GPC6: variants seen among roughly 807,000 people sequenced by gnomAD.
GPC6 encodes glypican 6.
Under a neutral mutation model 55.2 loss-of-function variants are expected in GPC6, and 14 were observed. That is an observed-to-expected ratio of 0.25 (90% CI 0.17 to 0.40). The LOEUF is 0.40. GPC6 is among the 10% of genes least tolerant of loss of function. GPC6 has a pLI of 1.00. For synonymous variants in GPC6, 278 were observed against 259.6 expected (o/e 1.07, Z -0.68); for missense variants, 641 against 708.5 (o/e 0.90, Z 1.08).
intron 3 of GPC6, among the ~76,000 whole-genome samples, chr13:93,888,829 C>A (rs929846736): frequency 6.6e-5 from 10 of 152,090 alleles, no homozygotes; most frequent in African/African-American, 1.9e-4. Context: ...TTTCCCAGTG[C>A]CATAGGGAGG....
chr13:94,200,767 G>A (rs1407914456), intron 4 of GPC6, among the ~76,000 whole-genome samples: 1 of 152,204 alleles, frequency 6.6e-6, no homozygotes, highest in Non-Finnish European at 1.5e-5. Context: ...TATTTGCATT[G>A]CTTGGAATTG....
At chr13:93,494,667 G>A (rs1259544457) in intron 1 of GPC6, among the ~76,000 whole-genome samples, 3 of 152,038 alleles carry the variant, frequency 2.0e-5, no homozygotes, top group Admixed American at 2.0e-4. Context: ...GGTACCGGTT[G>A]TTCCTTTCCA....
intron 4 of GPC6, among the ~76,000 whole-genome samples, chr13:94,208,753 C>CAA (rs762261930): frequency 0.049 from 1,759 of 36,208 alleles, 165 homozygotes; most frequent in South Asian, 0.086. Context: ...TCCCATCTCC[C>CAA]AAAAAAAAAA....
At chr13:94,005,712 C>A (rs1881990735) in intron 3 of GPC6, among the ~76,000 whole-genome samples, 1 of 152,150 alleles carries the variant, frequency 6.6e-6, no homozygotes, top group Non-Finnish European at 1.5e-5. Context: ...AAATATGCAG[C>A]TACAAAAATG....
intron 1 of GPC6, among the ~76,000 whole-genome samples, chr13:93,505,093 G>A (rs1880658912): frequency 6.6e-6 from 1 of 152,190 alleles, no homozygotes; most frequent in African/African-American, 2.4e-5. Context: ...TACAAAGGTA[G>A]TTGATCTGGA....
chr13:94,083,270 C>T (rs980009946), intron 4 of GPC6, among the ~76,000 whole-genome samples: 7 of 152,082 alleles, frequency 4.6e-5, no homozygotes, highest in Admixed American at 2.0e-4. Context: ...AGGCGCCCGC[C>T]ACCACACCCG....
intron 2 of GPC6, among the ~76,000 whole-genome samples, chr13:93,814,065 A>G (rs946035775): frequency 1.3e-5 from 2 of 152,128 alleles, no homozygotes; most frequent in Non-Finnish European, 2.9e-5. Flanking sequence ...TTTTCTTATT[A>G]GGAGGTATCT....
intron 1 of GPC6, among the ~76,000 whole-genome samples, chr13:93,387,031 T>C (rs1368025641): frequency 6.6e-6 from 1 of 152,158 alleles, no homozygotes; most frequent in Non-Finnish European, 1.5e-5. Flanking sequence ...ACAAAGACCC[T>C]ATCTCCAAAT....
chr13:93,623,049 T>C (rs1879026390), intron 2 of GPC6, among the ~76,000 whole-genome samples: 1 of 152,196 alleles, frequency 6.6e-6, no homozygotes, highest in African/African-American at 2.4e-5. Flanking sequence ...TTTAACATAT[T>C]ATTGTCCATG....
chr13:93,953,087 A>G (rs1422068793), intron 3 of GPC6, among the ~76,000 whole-genome samples: 3 of 151,616 alleles, frequency 2.0e-5, no homozygotes, highest in African/African-American at 7.3e-5. Context: ...TCATTTTGCT[A>G]CAGTTTCCAT....
chr13:94,362,724 C>G (rs906685112), intron 6 of GPC6, among the ~76,000 whole-genome samples: 1 of 152,142 alleles, frequency 6.6e-6, no homozygotes, highest in Non-Finnish European at 1.5e-5. Context: ...AATGTAGGTA[C>G]ATGCCCAGAG....
intron 3 of GPC6, among the ~76,000 whole-genome samples, chr13:93,839,867 G>A (rs1191997072): frequency 6.6e-6 from 1 of 152,150 alleles, no homozygotes; most frequent in Non-Finnish European, 1.5e-5. Flanking sequence ...GATTCGGTTA[G>A]CTAGTATTTA....
intron 4 of GPC6, among the ~76,000 whole-genome samples, chr13:94,061,888 G>A (rs1017755277): frequency 5.3e-5 from 8 of 152,082 alleles, no homozygotes; most frequent in Non-Finnish European, 7.4e-5. Context: ...ATCAGTCTTT[G>A]GTGAATTATG....
chr13:93,531,667 T>C (rs991099873), intron 1 of GPC6, among the ~76,000 whole-genome samples: 4 of 152,216 alleles, frequency 2.6e-5, no homozygotes, highest in Non-Finnish European at 5.9e-5. Flanking sequence ...CCTACTAATT[T>C]TTCTGTGGCA....
At chr13:93,367,113 G>A (rs1244374721) in intron 1 of GPC6, among the ~76,000 whole-genome samples, 1 of 152,050 alleles carries the variant, frequency 6.6e-6, no homozygotes, top group Non-Finnish European at 1.5e-5. Context: ...TCTTTGCTTA[G>A]TTGATATGGC....
At chr13:93,785,238 G>A (rs1566534348) in intron 2 of GPC6, among the ~76,000 whole-genome samples, 1 of 152,122 alleles carries the variant, frequency 6.6e-6, no homozygotes, top group East Asian at 1.9e-4. Flanking sequence ...CCAGACATGA[G>A]AGATAAGGGC....
At chr13:93,336,223 G>A (rs191778060) in intron 1 of GPC6, among the ~76,000 whole-genome samples, 142 of 152,306 alleles carry the variant, frequency 9.3e-4, no homozygotes, top group African/African-American at 3.2e-3. Context: ...TGGTAGAAGC[G>A]TTGTGTAAAA....
intron 1 of GPC6, among the ~76,000 whole-genome samples, chr13:93,536,930 T>G (rs1353005796): frequency 1.3e-5 from 2 of 152,186 alleles, no homozygotes; most frequent in African/African-American, 4.8e-5. Context: ...CTCAAGGCAG[T>G]ATTACACAGG....
In GPC6 at chr13:94,064,243, C is replaced by T. The variant is rs151050511; in HGVS notation, c.877+36349C>T. On this transcript the variant is annotated intron_variant, in intron 4 of 8. Transcript: ENST00000377047. ...TGGCTATTATATTCACATTTCAGTT[C>T]GTCTATCTAAAACATACTTACCTTG... Among the ~76,000 whole-genome samples, 12 of 152,264 alleles carry T rather than the reference C, an allele frequency of 7.9e-5. 1 individual carries two copies. In the South Asian group the frequency reaches 2.5e-3, roughly 32 times the overall value.
Sources: gnomAD v4.1 joint callset for allele counts (sites outside exome capture counted in the v4.1 genomes callset) on GRCh38, gnomAD v4.1.1 for gene constraint, MANE v1.5 for transcripts, NCBI Gene and HGNC (gene_info 2026-07-23, HGNC 2026-07-21) for gene names.